The following KCNIP3 variants were observed in gnomAD, a reference collection of about 807,000 sequenced individuals.
KCNIP3 encodes the protein potassium voltage-gated channel interacting protein 3.
Under a neutral mutation model 35.0 loss-of-function variants are expected in KCNIP3, and 28 were observed. That is an observed-to-expected ratio of 0.80 (90% CI 0.59 to 1.10). KCNIP3 has a LOEUF of 1.10. Among genes scored for constraint, KCNIP3 ranks in the 50% least tolerant of loss-of-function variants. The pLI is 0.00. For missense variants in KCNIP3, 295 were observed against 338.4 expected, an observed-to-expected ratio of 0.87 and a Z score of 1.01; for synonymous variants, 134 against 133.8, an observed-to-expected ratio of 1.00 and a Z score of -0.01.
chr2:95,354,584 T>G (rs1197489911), intron 2 of KCNIP3, among the ~76,000 whole-genome samples: 1 of 152,130 alleles, frequency 6.6e-6, no homozygotes, highest in African/African-American at 2.4e-5. Flanking sequence ...CCACTGCCCT[T>G]GCTCCTCCAT....
intron 2 of KCNIP3, among the ~76,000 whole-genome samples, chr2:95,338,346 T>C (rs771181133): frequency 6.6e-6 from 1 of 152,204 alleles, no homozygotes; most frequent in Non-Finnish European, 1.5e-5. Flanking sequence ...TCTCAAGCAA[T>C]GAGAAATCCA....
At chr2:95,310,724 G>A in intron 2 of KCNIP3, 2 of 603,288 alleles carry the variant, frequency 3.3e-6, no homozygotes, top group East Asian at 5.8e-5. Context: ...AGCTCCCAGT[G>A]GGACCCACAG....
chr2:95,325,812 TACACAC>T (rs1301793559), intron 2 of KCNIP3, among the ~76,000 whole-genome samples: 1 of 140,250 alleles, frequency 7.1e-6, no homozygotes, highest in African/African-American at 2.7e-5. Context: ...CATACACTCA[TACACAC>T]ATACACATAC....
At chr2:95,341,277 C>T (rs1679187987) in intron 2 of KCNIP3, among the ~76,000 whole-genome samples, 1 of 152,182 alleles carries the variant, frequency 6.6e-6, no homozygotes, top group Non-Finnish European at 1.5e-5. Flanking sequence ...CTGCTCCTGC[C>T]ACGTGAGATG....
chr2:95,331,803 G>A (rs2104245507), intron 2 of KCNIP3, among the ~76,000 whole-genome samples: 1 of 152,352 alleles, frequency 6.6e-6, no homozygotes, highest in Non-Finnish European at 1.5e-5. Context: ...CCCGACCCAG[G>A]CTGGGCCAAG....
rs1472197031 is a variant in KCNIP3, at chr2:95,384,205, C to CAG, written c.*157_*158dup. 1.2e-5 allele frequency: 8 copies of CAG among 651,224 alleles called. No homozygotes were observed. The highest frequency in any genetic ancestry group is 2.2e-5 in the Non-Finnish European group (8 of 364,294). 40.3% of individuals were successfully genotyped at this position (651,224 alleles called of 1,614,324 possible). A position where few individuals can be genotyped will look rare whatever the true frequency, so the allele number is the denominator to read the frequency against. The stretch of plus-strand genomic sequence containing the variant: ...ACACACACACACACACACACACACA[C>CAG]AGCCATTCATCTGGGCTGGCAGAGG... On this transcript the variant is annotated 3_prime_UTR_variant, in exon 9 of 9. Coordinates refer to ENST00000295225, the MANE Select transcript of KCNIP3 (RefSeq NM_013434.5).
At chr2:95,350,087 G>C (rs1679475220) in intron 2 of KCNIP3, among the ~76,000 whole-genome samples, 1 of 152,168 alleles carries the variant, frequency 6.6e-6, no homozygotes, top group African/African-American at 2.4e-5. Context: ...AAGGGGATCT[G>C]CGTTCCCAAA....
chr2:95,355,348 T>C (rs1679631097), intron 2 of KCNIP3: 1 of 152,066 alleles, frequency 6.6e-6, no homozygotes, highest in South Asian at 2.1e-4. Context: ...TCTTTTTTAA[T>C]TATTATTATT....
intron 5 of KCNIP3, among the ~76,000 whole-genome samples, chr2:95,375,619 A>G (rs1680165063): frequency 6.6e-6 from 1 of 152,172 alleles, no homozygotes; most frequent in African/African-American, 2.4e-5. Context: ...AAATAGGCCA[A>G]AAATATCTAG....
intron 2 of KCNIP3, among the ~76,000 whole-genome samples, chr2:95,373,040 G>C (rs1310883434): frequency 2.0e-5 from 3 of 152,216 alleles, no homozygotes; most frequent in Non-Finnish European, 4.4e-5. Context: ...AGCTGTGCAG[G>C]ACAGCTGCCC....
rs543254953 is a variant in KCNIP3 at position 95,360,357 on chromosome 2, A to G, written c.182-13939A>G. On this transcript the variant is annotated intron_variant, in intron 2 of 8. Coordinates refer to ENST00000295225, the MANE Select transcript of KCNIP3 (RefSeq NM_013434.5). ...CTCATCACCATCCATATTTCTGCCAACATTCTGATGACAGCCACTTTAATC... is the reference window on the plus strand; with the variant it reads ...CTCATCACCATCCATATTTCTGCCAGCATTCTGATGACAGCCACTTTAATC... Among the ~76,000 whole-genome samples, 8 of 152,264 alleles carry G rather than the reference A, an allele frequency of 5.3e-5. No individual in the cohort carries two copies. In the East Asian group the frequency reaches 1.5e-3, roughly 29 times the overall value.
At chr2:95,325,086 G>A (rs947933150) in intron 2 of KCNIP3, among the ~76,000 whole-genome samples, 2 of 152,198 alleles carry the variant, frequency 1.3e-5, no homozygotes, top group Non-Finnish European at 2.9e-5. Flanking sequence ...GACAGCGTGA[G>A]GAGGGAAGTG....
At position 95,385,695 on chromosome 2, in the gene KCNIP3, C is replaced by G. The variant is rs565400318; in HGVS notation, c.*1646C>G. The G allele has an allele frequency of 1.3e-5, 2 of 152,896 alleles. No individual in the cohort carries two copies. Among genetic ancestry groups the G allele is most frequent in the Middle Eastern group, 3.4e-3 (1 of 294 alleles). 9.5% of individuals were successfully genotyped at this position (152,896 alleles called of 1,614,324 possible). On this transcript the variant is annotated 3_prime_UTR_variant, in exon 9 of 9. Coordinates refer to ENST00000295225, the MANE Select transcript of KCNIP3 (RefSeq NM_013434.5). ...TTCACACACAGCCTGGCCTCCCCTG[C>G]GGAGCTGCATGGACGCCTGGCTCCA...
rs747156044 is a variant in KCNIP3, at chr2:95,382,491, C to T, written c.660+10C>T. On this transcript the variant is annotated intron_variant, in intron 7 of 8. Transcript: ENST00000295225. The surrounding 1 kb of genome is among the most constrained non-coding windows in gnomAD (Gnocchi z 4.5). ...GGAGAGGTTCTTCGAGGTGAGCGAG[C>T]GCCAGCCCTGCCTAGGGAGGGGAGC... 4.1e-5 allele frequency: 65 copies of T among 1,583,300 alleles called. No homozygotes were observed. The highest frequency in any genetic ancestry group is 4.1e-4 in the Admixed American group (23 of 56,476).
At chr2:95,322,018 T>C (rs1194698567) in intron 2 of KCNIP3, among the ~76,000 whole-genome samples, 4 of 152,132 alleles carry the variant, frequency 2.6e-5, no homozygotes, top group Non-Finnish European at 5.9e-5. Context: ...GTGAAGCAAA[T>C]TGCTTCTAAC....
intron 8 of KCNIP3, 97 bp downstream of exon 8, chr2:95,383,391 C>T: frequency 8.3e-7 from 1 of 1,211,274 alleles, no homozygotes; most frequent in Non-Finnish European, 1.2e-6. Flanking sequence ...CCAGTCCCAC[C>T]CCTGCCAGTC....
At position 95,374,306 on chromosome 2, in the gene KCNIP3, C is replaced by T. The variant is rs771078346; in HGVS notation, c.192C>T (p.Asp64=). The T allele has an allele frequency of 6.8e-6, 11 of 1,613,820 alleles. No individual in the cohort carries two copies. Among genetic ancestry groups the T allele is most frequent in the Non-Finnish European group, 9.3e-6 (11 of 1,179,920 alleles). The change falls in exon 3 of 9, where the codon GAC becomes GAT. Residue 64 remains aspartate (D), a synonymous_variant. Transcript: ENST00000295225. ...STAPQGSDSS[D]SELELSTVRH... ...TGTGTCCCACTCCAGATAGCAGCGA[C>T]AGTGAGCTGGAGCTGTCCACGGTGC... is the stretch of plus-strand genomic sequence containing the variant.
At chr2:95,359,660 C>G (rs1241678629) in intron 2 of KCNIP3, among the ~76,000 whole-genome samples, 2 of 152,248 alleles carry the variant, frequency 1.3e-5, no homozygotes, top group Non-Finnish European at 2.9e-5. Context: ...CAGGTCTCTG[C>G]CTGGACCCCC....
intron 2 of KCNIP3, among the ~76,000 whole-genome samples, chr2:95,343,076 G>A (rs989277470): frequency 2.0e-5 from 3 of 152,096 alleles, no homozygotes; most frequent in African/African-American, 7.2e-5. Flanking sequence ...GGGGACCCAT[G>A]TTGGGAGTCC....
Sources: gnomAD v4.1 joint callset for allele counts (sites outside exome capture counted in the v4.1 genomes callset) on GRCh38, gnomAD v4.1.1 for gene constraint, Gnocchi (gnomAD v3.1) non-coding constraint, MANE v1.5 for transcripts, NCBI Gene and HGNC (gene_info 2026-07-23, HGNC 2026-07-21) for gene names.